Variants in CDH4 observed in about 807,000 individuals in gnomAD.
The protein encoded by CDH4 is cadherin 4, also known as cadherin-4.
A neutral mutation model predicts 86.0 loss-of-function variants in CDH4; 33 were observed. That is an observed-to-expected ratio of 0.38 (90% confidence interval 0.29 to 0.51). The LOEUF is 0.51. CDH4 is among the 20% of genes least tolerant of loss of function. The pLI is 0.86. For synonymous variants in CDH4, 555 were observed against 549.4 expected (o/e 1.01, Z -0.14); for missense variants, 1,114 against 1,307.4 (o/e 0.85, Z 2.28).
intron 2 of CDH4, among the ~76,000 whole-genome samples, chr20:61,701,136 C>T (rs747893431): frequency 7.9e-5 from 12 of 152,170 alleles, no homozygotes; most frequent in Non-Finnish European, 1.8e-4. Flanking sequence ...CCATCTTCTT[C>T]CCGCATCTCT....
At chr20:61,378,032 C>T (rs1290391515) in intron 2 of CDH4, among the ~76,000 whole-genome samples, 1 of 152,140 alleles carries the variant, frequency 6.6e-6, no homozygotes, top group Non-Finnish European at 1.5e-5. Flanking sequence ...GGTGGGCGAT[C>T]GCTTGAGCCC....
chr20:61,584,859 A>G (rs1250747407), intron 2 of CDH4, among the ~76,000 whole-genome samples: 2 of 14,482 alleles, frequency 1.4e-4, no homozygotes, highest in Non-Finnish European at 2.4e-4. Context: ...GCTCTCCCGC[A>G]CTGCACACTT....
At chr20:61,342,991 C>T (rs1025821766) in intron 2 of CDH4, among the ~76,000 whole-genome samples, 1 of 152,210 alleles carries the variant, frequency 6.6e-6, no homozygotes, top group Admixed American at 6.5e-5. Flanking sequence ...GATTTGAAAT[C>T]GCCCACCTAC....
intron 4 of CDH4, among the ~76,000 whole-genome samples, chr20:61,839,115 C>T (rs1381213892): frequency 6.6e-6 from 1 of 152,230 alleles, no homozygotes; most frequent in Non-Finnish European, 1.5e-5. Flanking sequence ...GCTGAAACAC[C>T]TCGCTGAAGA....
At chr20:61,828,211 G>A (rs564090419) in intron 4 of CDH4, among the ~76,000 whole-genome samples, 1 of 152,250 alleles carries the variant, frequency 6.6e-6, no homozygotes, top group South Asian at 2.1e-4. Flanking sequence ...AAATAAAAGA[G>A]AGACAGTGGC....
At chr20:61,853,503 C>T (rs1399422485) in intron 6 of CDH4, among the ~76,000 whole-genome samples, 2 of 152,202 alleles carry the variant, frequency 1.3e-5, no homozygotes, top group African/African-American at 2.4e-5. Flanking sequence ...CGAGACTTCA[C>T]TCTGGCACCG....
At chr20:61,849,520 C>T (rs980894460) in intron 5 of CDH4, among the ~76,000 whole-genome samples, 2 of 152,104 alleles carry the variant, frequency 1.3e-5, no homozygotes, top group South Asian at 2.1e-4. Context: ...GGTGCTCCCC[C>T]GGCCCTAGGG....
intron 2 of CDH4, among the ~76,000 whole-genome samples, chr20:61,705,891 C>G (rs1275607951): frequency 6.6e-6 from 1 of 152,230 alleles, no homozygotes; most frequent in Admixed American, 6.5e-5. Context: ...TCAAATACCC[C>G]AGTTGTGTCA....
intron 2 of CDH4, among the ~76,000 whole-genome samples, chr20:61,302,149 G>C (rs1377421584): frequency 6.6e-6 from 1 of 152,230 alleles, no homozygotes; most frequent in Non-Finnish European, 1.5e-5. Flanking sequence ...GGGAGAGAGA[G>C]CATTTAGTAG....
intron 2 of CDH4, among the ~76,000 whole-genome samples, chr20:61,693,884 CTTTTTTTTTTTT>C (rs11479778): frequency 6.0e-5 from 5 of 82,700 alleles, no homozygotes; most frequent in Admixed American, 1.7e-4. Flanking sequence ...CTCTTTCTTT[CTTTTTTTTTTTT>C]TTTTTTTTTT....
intron 8 of CDH4, among the ~76,000 whole-genome samples, chr20:61,904,726 T>A (rs1171802631): frequency 1.3e-5 from 2 of 152,214 alleles, no homozygotes; most frequent in Non-Finnish European, 2.9e-5. Context: ...TCCCTCCCAC[T>A]GCCTCCCACG....
At chr20:61,917,337 C>CT (rs943999788) in intron 9 of CDH4, among the ~76,000 whole-genome samples, 1 of 152,240 alleles carries the variant, frequency 6.6e-6, no homozygotes, top group Non-Finnish European at 1.5e-5. Context: ...GTTGTGAAAT[C>CT]TTATCTTGAA....
intron 2 of CDH4, among the ~76,000 whole-genome samples, chr20:61,265,478 C>T (rs1279030054): frequency 1.3e-5 from 2 of 150,902 alleles, no homozygotes; most frequent in South Asian, 2.1e-4. Flanking sequence ...CTTACACAGA[C>T]CTCAGTGGCT....
At chr20:61,396,939 C>G (rs1006331036) in intron 2 of CDH4, among the ~76,000 whole-genome samples, 5 of 152,154 alleles carry the variant, frequency 3.3e-5, no homozygotes, top group Non-Finnish European at 5.9e-5. Context: ...TTGAGACAGT[C>G]TCACTTTGTC....
At chr20:61,401,292 G>A (rs534608364) in intron 2 of CDH4, among the ~76,000 whole-genome samples, 1 of 152,344 alleles carries the variant, frequency 6.6e-6, no homozygotes, top group South Asian at 2.1e-4. Flanking sequence ...CTTTGAGAAG[G>A]AAGGATCTGT....
chr20:61,895,180 T>C, intron 8 of CDH4, 133 bp downstream of exon 8: 1 of 1,093,208 alleles, frequency 9.1e-7, no homozygotes, highest in Non-Finnish European at 1.3e-6. Context: ...AGAAAGGCCC[T>C]GGGCAGCGGA....
intron 8 of CDH4, among the ~76,000 whole-genome samples, chr20:61,898,754 C>T (rs913557186): frequency 6.6e-6 from 1 of 152,226 alleles, no homozygotes; most frequent in African/African-American, 2.4e-5. Context: ...GAATTAATCC[C>T]ACCTCAAGGT....
At chr20:61,454,253 C>T (rs1046111118) in intron 2 of CDH4, among the ~76,000 whole-genome samples, 2 of 152,140 alleles carry the variant, frequency 1.3e-5, no homozygotes, top group East Asian at 1.9e-4. Context: ...CCTATCCTCA[C>T]GGAGTTTATA....
chr20:61,262,618 G>A (rs1387874148), intron 2 of CDH4, among the ~76,000 whole-genome samples: 2 of 152,168 alleles, frequency 1.3e-5, no homozygotes, highest in Non-Finnish European at 2.9e-5. Context: ...CAAGTTCAAA[G>A]GAAGTGTATT....
Sources: gnomAD v4.1 joint callset for allele counts (sites outside exome capture counted in the v4.1 genomes callset) on GRCh38, gnomAD v4.1.1 for gene constraint, MANE v1.5 for transcripts, NCBI Gene and HGNC (gene_info 2026-07-23, HGNC 2026-07-21) for gene names.